Variants in TULP1 observed in about 807,000 individuals in gnomAD.
TULP1 encodes TUB like protein 1.
Under a neutral mutation model 67.1 loss-of-function variants are expected in TULP1, and 50 were observed. The ratio of observed to expected loss-of-function variants is 0.75; its 90% CI spans 0.59 to 0.94. The LOEUF (loss-of-function observed/expected upper bound fraction) is 0.94. Ranked by LOEUF, TULP1 falls within the 40% of genes least tolerant of loss-of-function variation. TULP1 has a pLI of 0.00. For missense variants in TULP1, 746 were observed against 734.1 expected (o/e 1.02, Z -0.19); for synonymous variants, 297 against 294.0 (o/e 1.01, Z -0.11).
At chr6:35,506,335 C>A in intron 8 of TULP1, 56 bp from the exon 9 acceptor site, 2 of 1,548,690 alleles carry the variant, frequency 1.3e-6, no homozygotes, top group Non-Finnish European at 1.7e-6. Context: ...TCCCTGGAGG[C>A]GGGGAAGCCA....
intron 8 of TULP1, 123 bp downstream of exon 8, chr6:35,509,086 A>G (rs1017070353): frequency 7.8e-5 from 67 of 863,476 alleles, no homozygotes; most frequent in Non-Finnish European, 9.7e-5. Flanking sequence ...TCCTGTCACA[A>G]GAGGGGGAGC....
intron 7 of TULP1, 143 bp downstream of exon 7, chr6:35,509,491 G>T (rs540643717): frequency 1.7e-5 from 18 of 1,060,506 alleles, no homozygotes; most frequent in Admixed American, 1.5e-4. Flanking sequence ...CAAAGCGGGG[G>T]TCAAGATGCC....
At chr6:35,507,197 C>T (rs1207233446) in intron 8 of TULP1, among the ~76,000 whole-genome samples, 1 of 138,242 alleles carries the variant, frequency 7.2e-6, no homozygotes, top group East Asian at 2.1e-4. Context: ...CATAAGAACA[C>T]TCAAGCAAAA....
chr6:35,501,947 C>A (rs545496906), intron 13 of TULP1, among the ~76,000 whole-genome samples: 1 of 152,286 alleles, frequency 6.6e-6, no homozygotes, highest in African/African-American at 2.4e-5. Flanking sequence ...TCCTCTCCCC[C>A]CAGCCACACT....
intron 13 of TULP1, among the ~76,000 whole-genome samples, chr6:35,501,947 C>T (rs545496906): frequency 6.6e-6 from 1 of 152,168 alleles, no homozygotes; most frequent in African/African-American, 2.4e-5. Context: ...TCCTCTCCCC[C>T]CAGCCACACT....
At position 35,500,084 on chromosome 6, in the gene TULP1, CTTG is replaced by C; in HGVS notation, c.1389_1391del (p.Asn463del). The C allele has an allele frequency of 1.2e-6, 2 of 1,614,176 alleles. No individual in the cohort carries two copies. Among genetic ancestry groups the C allele is most frequent in the East Asian group, 2.2e-5 (1 of 44,884 alleles). ...CACTGTCATCGTTCCAGACAGGTGG[CTTG>C]TTGTGCAGTTCTATGAGGCTCTCCA... On this transcript the variant is annotated inframe_deletion, in exon 14 of 15. Coordinates refer to ENST00000229771, the MANE Select transcript of TULP1 (RefSeq NM_003322.6).
At chr6:35,506,312 A>G in intron 8 of TULP1, 33 bp from the exon 9 acceptor site, 7 of 1,553,364 alleles carry the variant, frequency 4.5e-6, no homozygotes, top group Non-Finnish European at 6.1e-6. Context: ...GGCTGGCTAG[A>G]GCAGGGGCCG....
chr6:35,511,993 C>G, intron 3 of TULP1, 187 bp from the exon 4 acceptor site: 1 of 730,324 alleles, frequency 1.4e-6, no homozygotes, highest in Non-Finnish European at 2.1e-6. Flanking sequence ...CCCTTCTACC[C>G]CAACGCCACC....
rs1382687589 is a variant in TULP1, at chr6:35,503,470, G to A, written c.1323+89C>T. The A allele has an allele frequency of 6.2e-6, 8 of 1,296,640 alleles. No individual in the cohort carries two copies. The highest frequency in any genetic ancestry group is 8.7e-6 in the Non-Finnish European group (8 of 922,622). 80.3% of individuals were successfully genotyped at this position (1,296,640 alleles called of 1,614,324 possible). A position where few individuals can be genotyped will look rare whatever the true frequency, so the allele number is the denominator to read the frequency against. On this transcript the variant is annotated intron_variant, in intron 13 of 14. Coordinates refer to ENST00000229771, the MANE Select transcript of TULP1 (RefSeq NM_003322.6). This position sits in a 1 kb window ranked among gnomAD's most constrained non-coding sequence, Gnocchi z 4.0. ...GAATTTGTGTTGGAGGGTGATGGAT[G>A]TGCTCAGGGAGTTGGCTATTTCCTA...
At position 35,498,144 on chromosome 6, in the gene TULP1, C is replaced by G. The variant is rs1335645513; in HGVS notation, c.*183G>C. On this transcript the variant is annotated 3_prime_UTR_variant, in exon 15 of 15. Transcript: ENST00000229771. This position sits in a 1 kb window ranked among gnomAD's most constrained non-coding sequence, Gnocchi z 6.7. ...ATCTCCGTCCTACCCGCCGTCCGGGCTCCTCCTGCCTCGGCCTGTGCCAGG... is the reference window on the plus strand; with the variant it reads ...ATCTCCGTCCTACCCGCCGTCCGGGGTCCTCCTGCCTCGGCCTGTGCCAGG... 1 of 986,872 alleles carries G rather than the reference C, an allele frequency of 1.0e-6. No individual in the cohort carries two copies. The highest frequency in any genetic ancestry group is 1.5e-6 in the Non-Finnish European group (1 of 687,190). The allele number at this position is 986,872 out of a possible 1,614,324, so 61.1% of individuals were successfully genotyped here.
At chr6:35,510,659 G>A (rs1395681665) in intron 5 of TULP1, 1 of 1,146,906 alleles carries the variant, frequency 8.7e-7, no homozygotes, top group Non-Finnish European at 1.2e-6. Flanking sequence ...GGCAGGGGCA[G>A]TGGGGCCAGG....
At position 35,506,297 on chromosome 6, in the gene TULP1, A is replaced by G. The variant is rs573694485; in HGVS notation, c.823-18T>C. ...ACCGCTTTCTGTGTGCGGAGAGAAC[A>G]GAGAGGCTGGCTAGAGCAGGGGCCG... On this transcript the variant is annotated intron_variant, in intron 8 of 14. Coordinates refer to ENST00000229771, the MANE Select transcript of TULP1 (RefSeq NM_003322.6). The G allele has an allele frequency of 1.9e-6, 3 of 1,561,372 alleles. No homozygotes were observed. The highest frequency in any genetic ancestry group is 2.3e-5 in the South Asian group (2 of 85,394).
intron 14 of TULP1, among the ~76,000 whole-genome samples, chr6:35,499,733 C>A (rs1367594538): frequency 6.6e-6 from 1 of 152,184 alleles, no homozygotes; most frequent in African/African-American, 2.4e-5. Flanking sequence ...AGTATCTAAC[C>A]CACTGCTCTG....
rs1014318837 is a variant in TULP1, at chr6:35,498,653, C to T, written c.1496-193G>A. Among the ~76,000 whole-genome samples, 1 of 152,216 alleles carries T rather than the reference C, an allele frequency of 6.6e-6. No individual in the cohort carries two copies. Among genetic ancestry groups the T allele is most frequent in the African/African-American group, 2.4e-5 (1 of 41,444 alleles). On this transcript the variant is annotated intron_variant, in intron 14 of 14. Transcript: ENST00000229771. This position sits in a 1 kb window ranked among gnomAD's most constrained non-coding sequence, Gnocchi z 6.7. ...CCAGCACCACGTGGCTTTGCAGTCACACTATAATCTCCTGGGGGCAGGGAC... is the reference window on the plus strand; with the variant it reads ...CCAGCACCACGTGGCTTTGCAGTCATACTATAATCTCCTGGGGGCAGGGAC...
rs546008132 is a variant in TULP1 at position 35,503,263 on chromosome 6, C to T, written c.1323+296G>A. ...CAGGGGTGCAGATCTTTGTTTTGTC[C>T]ACTGATGTCTTCCAGGTGCCTAGGA... On this transcript the variant is annotated intron_variant, in intron 13 of 14. Coordinates refer to ENST00000229771, the MANE Select transcript of TULP1 (RefSeq NM_003322.6). The surrounding 1 kb of genome is among the most constrained non-coding windows in gnomAD (Gnocchi z 4.0). The T allele has an allele frequency of 5.0e-6, 2 of 402,984 alleles. No homozygotes were observed. The highest frequency in any genetic ancestry group is 2.2e-5 in the South Asian group (1 of 46,096). 25.0% of individuals were successfully genotyped at this position (402,984 alleles called of 1,614,324 possible).
At chr6:35,512,750 T>TC in intron 1 of TULP1, 60 bp from the exon 2 acceptor site, 2 of 776,470 alleles carry the variant, frequency 2.6e-6, no homozygotes, top group Non-Finnish European at 3.8e-6. Context: ...TCCCACCCAC[T>TC]CCCCATCCCT....
intron 7 of TULP1, 107 bp from the exon 8 acceptor site, chr6:35,509,419 G>A (rs1241267746): frequency 5.0e-6 from 6 of 1,190,620 alleles, no homozygotes; most frequent in East Asian, 2.3e-5. Context: ...CAAGAGAGTC[G>A]ACCCCATGTT....
rs1179878512 is a variant in TULP1, at chr6:35,511,649, G to A, written c.348C>T (p.Asp116=). 2 of 1,592,534 alleles carry A rather than the reference G, an allele frequency of 1.3e-6. No individual in the cohort carries two copies. The highest frequency in any genetic ancestry group is 1.3e-5 in the African/African-American group (1 of 74,314). Residue 116 remains aspartate, a splice_region_variant and synonymous_variant, in exon 4 of 15, where the codon GAC becomes GAT. Transcript: ENST00000229771. ...CGCGTCCCTGGGGCCCTCTCTCACC[G>A]TCCTCCGCGTCTGGGGCACGGGCTA... ...FLVARAPDAE[D]EEEEEEEDEE... is the part of the protein sequence containing the mutation.
chr6:35,507,324 C>T (rs1277296670), intron 8 of TULP1, among the ~76,000 whole-genome samples: 1 of 151,912 alleles, frequency 6.6e-6, no homozygotes, highest in Non-Finnish European at 1.5e-5. Flanking sequence ...TCCTTCATTT[C>T]CAGTGAAGCC....
Sources: allele counts gnomAD v4.1 joint callset (sites outside exome capture counted in the v4.1 genomes callset), GRCh38; gene constraint gnomAD v4.1.1; non-coding constraint Gnocchi (gnomAD v3.1); transcripts MANE v1.5; gene names NCBI Gene and HGNC (gene_info 2026-07-23, HGNC 2026-07-21).